ERBB4: variants seen among roughly 807,000 people sequenced by gnomAD.
The protein encoded by ERBB4 is receptor tyrosine-protein kinase erbB-4.
In ERBB4, 42 loss-of-function variants were observed where a neutral mutation model predicts 158.0. The ratio of observed to expected loss-of-function variants is 0.27; its 90% CI spans 0.21 to 0.34. The LOEUF is 0.34. ERBB4 is among the 10% of genes least tolerant of loss of function. The pLI is 1.00. For synonymous variants in ERBB4, 583 were observed against 558.7 expected, an observed-to-expected ratio of 1.04 and a Z score of -0.61; for missense variants, 1,333 against 1,624.1, an observed-to-expected ratio of 0.82 and a Z score of 3.08.
intron 8 of ERBB4, among the ~76,000 whole-genome samples, 156 bp from the exon 9 acceptor site, chr2:211,712,332 C>T (rs1017239459): frequency 4.6e-5 from 7 of 152,034 alleles, no homozygotes; most frequent in Non-Finnish European, 1.0e-4. Flanking sequence ...ATTATTCATT[C>T]GTTCAACATT....
chr2:211,786,082 G>T (rs2076157025), intron 4 of ERBB4, among the ~76,000 whole-genome samples: 1 of 152,080 alleles, frequency 6.6e-6, no homozygotes, highest in Non-Finnish European at 1.5e-5. Context: ...GTAAAATCAA[G>T]AAATGGGCAA....
chr2:212,258,985 G>A (rs1001374929), intron 1 of ERBB4, among the ~76,000 whole-genome samples: 2 of 152,082 alleles, frequency 1.3e-5, no homozygotes, highest in Non-Finnish European at 2.9e-5. Context: ...TCACCATGCT[G>A]TGAAATACAT....
At chr2:211,749,490 C>T (rs993884308) in intron 5 of ERBB4, among the ~76,000 whole-genome samples, 1 of 150,186 alleles carries the variant, frequency 6.7e-6, no homozygotes, top group African/African-American at 2.4e-5. Context: ...CTATGGAGAG[C>T]TGAGGGAAAA....
chr2:211,735,421 C>T (rs1338913191), intron 5 of ERBB4, among the ~76,000 whole-genome samples: 1 of 152,046 alleles, frequency 6.6e-6, no homozygotes, highest in Non-Finnish European at 1.5e-5. Flanking sequence ...TTAAGAGTCA[C>T]AAATAGAAGG....
intron 1 of ERBB4, among the ~76,000 whole-genome samples, chr2:212,191,176 G>A (rs2125709678): frequency 6.6e-6 from 1 of 152,094 alleles, no homozygotes; most frequent in South Asian, 2.1e-4. Context: ...TAAGAATCAT[G>A]GACAAGACTT....
intron 14 of ERBB4, among the ~76,000 whole-genome samples, chr2:211,666,031 A>G (rs1250683819): frequency 6.6e-6 from 1 of 152,182 alleles, no homozygotes; most frequent in Non-Finnish European, 1.5e-5. Context: ...TAGGATGTAA[A>G]CTTTCCTTTG....
intron 25 of ERBB4, among the ~76,000 whole-genome samples, chr2:211,406,216 T>A (rs895956002): frequency 5.3e-5 from 8 of 152,214 alleles, no homozygotes; most frequent in Non-Finnish European, 1.0e-4. Context: ...ATTGGCTAGT[T>A]ACTTATTCAT....
intron 1 of ERBB4, among the ~76,000 whole-genome samples, chr2:212,146,205 T>C (rs1340536492): frequency 1.3e-5 from 2 of 152,212 alleles, no homozygotes; most frequent in African/African-American, 4.8e-5. Context: ...GTGTTTCAGT[T>C]ATATGTTTAG....
chr2:211,735,108 C>T (rs538758982), intron 5 of ERBB4, among the ~76,000 whole-genome samples: 4 of 151,646 alleles, frequency 2.6e-5, no homozygotes, highest in Non-Finnish European at 5.9e-5. Flanking sequence ...ACACATATAC[C>T]AAATATTACC....
At chr2:212,007,148 T>C (rs2076278077) in intron 2 of ERBB4, among the ~76,000 whole-genome samples, 1 of 151,930 alleles carries the variant, frequency 6.6e-6, no homozygotes, top group African/African-American at 2.4e-5. Flanking sequence ...AATAATTTAA[T>C]CTTCAAAACC....
At chr2:212,456,715 G>A (rs1381039973) in intron 1 of ERBB4, among the ~76,000 whole-genome samples, 2 of 151,824 alleles carry the variant, frequency 1.3e-5, no homozygotes, top group African/African-American at 4.8e-5. Flanking sequence ...TTTTTGCAGA[G>A]CTTTTAAGAG....
intron 5 of ERBB4, among the ~76,000 whole-genome samples, chr2:211,741,929 G>A (rs1471986316): frequency 2.6e-5 from 4 of 152,090 alleles, no homozygotes; most frequent in Non-Finnish European, 5.9e-5. Context: ...AATTATTGGG[G>A]CACTTTTTGA....
chr2:211,539,377 C>T (rs924762304), intron 20 of ERBB4, among the ~76,000 whole-genome samples: 12 of 151,866 alleles, frequency 7.9e-5, no homozygotes, highest in African/African-American at 1.7e-4. Flanking sequence ...AAACATACCA[C>T]GTCTGTAGAA....
chr2:211,497,648 A>C (rs2065503022), intron 20 of ERBB4, among the ~76,000 whole-genome samples: 1 of 152,278 alleles, frequency 6.6e-6, no homozygotes, highest in East Asian at 1.9e-4. Context: ...AGGCAAGAAA[A>C]ATTGACAGGA....
intron 4 of ERBB4, among the ~76,000 whole-genome samples, chr2:211,761,409 T>A (rs1026862432): frequency 6.6e-6 from 1 of 152,018 alleles, no homozygotes; most frequent in Non-Finnish European, 1.5e-5. Context: ...GTCCTTCTAG[T>A]TTCATATTTG....
chr2:211,827,056 A>G (rs1028096880), intron 3 of ERBB4, among the ~76,000 whole-genome samples: 6 of 152,016 alleles, frequency 3.9e-5, no homozygotes, highest in African/African-American at 1.4e-4. Context: ...CTGTGTATAT[A>G]TAATCCAAAA....
intron 1 of ERBB4, among the ~76,000 whole-genome samples, chr2:212,298,145 TA>T (rs1559956290): frequency 6.6e-6 from 1 of 151,756 alleles, no homozygotes; most frequent in Non-Finnish European, 1.5e-5. Context: ...ATAAAGAACT[TA>T]AAAAACAATT....
chr2:211,645,362 T>C (rs114444378), intron 16 of ERBB4, among the ~76,000 whole-genome samples: 3,529 of 151,804 alleles, frequency 0.023, 68 homozygotes, highest in Middle Eastern at 0.041. Flanking sequence ...TAAGTTATTC[T>C]ATAAATATTA....
At chr2:212,177,359 ATAAT>A (rs1170103706) in intron 1 of ERBB4, among the ~76,000 whole-genome samples, 1 of 152,002 alleles carries the variant, frequency 6.6e-6, no homozygotes, top group African/African-American at 2.4e-5. Context: ...ATCAAATCAA[ATAAT>A]TAAATTGAAA....
Sources: gnomAD v4.1 joint callset for allele counts (sites outside exome capture counted in the v4.1 genomes callset) on GRCh38, gnomAD v4.1.1 for gene constraint, MANE v1.5 for transcripts, NCBI Gene and HGNC (gene_info 2026-07-23, HGNC 2026-07-21) for gene names.